ST14: variants seen among roughly 807,000 people sequenced by gnomAD.
ST14 encodes suppressor of tumorigenicity 14 protein.
A neutral mutation model predicts 96.5 loss-of-function variants in ST14; 40 were observed. The ratio of observed to expected loss-of-function variants is 0.41; its 90% CI spans 0.32 to 0.54. The LOEUF is 0.54. Among genes scored for constraint, ST14 ranks in the 20% least tolerant of loss-of-function variants. The probability of loss-of-function intolerance (pLI) is 0.17; values close to 1 mark genes in which losing one functional copy is unlikely to be tolerated. For synonymous variants in ST14, 506 were observed against 492.1 expected (o/e 1.03, Z -0.37); for missense variants, 1,066 against 1,188.9 (o/e 0.90, Z 1.52).
intron 16 of ST14, among the ~76,000 whole-genome samples, chr11:130,204,604 G>A (rs1323239238): frequency 6.6e-6 from 1 of 152,180 alleles, no homozygotes; most frequent in Admixed American, 6.5e-5. Flanking sequence ...CTGAGGTCAG[G>A]AGTTCGAGAC....
chr11:130,161,406 TTTG>T (rs1952997426), intron 1 of ST14, among the ~76,000 whole-genome samples: 2 of 152,194 alleles, frequency 1.3e-5, no homozygotes, highest in Admixed American at 1.3e-4. Context: ...CTGTTTGGAA[TTTG>T]TTATTTCAGG....
intron 1 of ST14, among the ~76,000 whole-genome samples, chr11:130,162,874 C>T (rs1953007937): frequency 6.6e-6 from 1 of 152,148 alleles, no homozygotes; most frequent in Admixed American, 6.5e-5. Flanking sequence ...GATGTGGTGG[C>T]AGGAGGTAAC....
intron 7 of ST14, among the ~76,000 whole-genome samples, chr11:130,192,608 T>A (rs1199950187): frequency 1.3e-5 from 2 of 152,200 alleles, no homozygotes; most frequent in Admixed American, 1.3e-4. Flanking sequence ...GTCAGGCTGG[T>A]CTCGAACTCC....
At position 130,187,229 on chromosome 11, in the gene ST14, A is replaced by G. The variant is rs1318316289; in HGVS notation, c.82-885A>G. Among the ~76,000 whole-genome samples, 1 of 152,210 alleles carries G rather than the reference A, an allele frequency of 6.6e-6. No individual in the cohort carries two copies. Among genetic ancestry groups the G allele is most frequent in the Non-Finnish European group, 1.5e-5 (1 of 68,034 alleles). On this transcript the variant is annotated intron_variant, in intron 1 of 18. Transcript: ENST00000278742. This position sits in a 1 kb window ranked among gnomAD's most constrained non-coding sequence, Gnocchi z 4.5. Reference sequence around the variant, plus strand: ...GTGCCACAGTGCCAGGCCATGGTGCATCCCCAGGATTCAGGGCGGGCAGAC... The same window carrying G: ...GTGCCACAGTGCCAGGCCATGGTGCGTCCCCAGGATTCAGGGCGGGCAGAC...
intron 1 of ST14, among the ~76,000 whole-genome samples, chr11:130,164,718 C>CTTATTATTATTATTATTATTA (rs57338069): frequency 1.4e-5 from 2 of 141,590 alleles, no homozygotes; most frequent in African/African-American, 5.5e-5. Flanking sequence ...CACACCCAGC[C>CTTATTATTATTATTATTATTA]TTATTATTAT....
intron 1 of ST14, among the ~76,000 whole-genome samples, chr11:130,161,017 G>T (rs187712625): frequency 6.6e-6 from 1 of 152,152 alleles, no homozygotes; most frequent in African/African-American, 2.4e-5. Context: ...CCCTCCTTCC[G>T]GGTGCCCCTG....
At chr11:130,194,543 A>C in intron 8 of ST14, 97 bp from the exon 9 acceptor site, 3 of 1,322,884 alleles carry the variant, frequency 2.3e-6, no homozygotes, top group Non-Finnish European at 3.2e-6. Flanking sequence ...CCACGCGTCC[A>C]GGAGGCAGCT....
rs747032339 is a variant in ST14 at position 130,198,337 on chromosome 11, A to G, written c.1489A>G (p.Lys497Glu). The G allele has an allele frequency of 2.5e-6, 4 of 1,614,178 alleles. No individual in the cohort carries two copies. Among genetic ancestry groups the G allele is most frequent in the Non-Finnish European group, 3.4e-6 (4 of 1,180,040 alleles). ...CGACGCCGGCCACCAGTTCACGTGC[A>G]AGAACAAGTTCTGCAAGCCCCTCTT... ...SCDAGHQFTC[K>E]NKFCKPLFWV... Residue 497 changes from lysine to glutamate, a missense_variant, in exon 13 of 19, where the codon AAG becomes GAG. By Grantham distance (56) the Lys-to-Glu change is moderately conservative (BLOSUM62 1). Transcript: ENST00000278742.
At chr11:130,173,995 C>T (rs1260911044) in intron 1 of ST14, among the ~76,000 whole-genome samples, 1 of 152,228 alleles carries the variant, frequency 6.6e-6, no homozygotes, top group Non-Finnish European at 1.5e-5. Context: ...ACAATGAAAA[C>T]CTTGTTTCAA....
Position 130,188,473 on chromosome 11 carries a change from G to C in ST14, c.242-57G>C. On this transcript the variant is annotated intron_variant, in intron 2 of 18. Coordinates refer to ENST00000278742, the MANE Select transcript of ST14 (RefSeq NM_021978.4). The surrounding 1 kb of genome is among the most constrained non-coding windows in gnomAD (Gnocchi z 5.4). ...ATTCATTCCCCATTGTGGACGGCGAGGGACAGGCGGGGGTGGTACCACCTC... is the reference window on the plus strand; with the variant it reads ...ATTCATTCCCCATTGTGGACGGCGACGGACAGGCGGGGGTGGTACCACCTC... 1 of 1,610,556 alleles carries C rather than the reference G, an allele frequency of 6.2e-7. No individual in the cohort carries two copies. Among genetic ancestry groups the C allele is most frequent in the Non-Finnish European group, 8.5e-7 (1 of 1,179,674 alleles).
At chr11:130,191,943 C>T (rs1315710426) in intron 7 of ST14, among the ~76,000 whole-genome samples, 1 of 152,202 alleles carries the variant, frequency 6.6e-6, no homozygotes, top group Non-Finnish European at 1.5e-5. Context: ...GGTTTGCTTG[C>T]AGGTGAGTCC....
rs1318712889 is a variant in ST14, at chr11:130,196,439, A to G, written c.1214A>G (p.Asn405Ser). Residue 405 changes from asparagine to serine, a missense_variant, in exon 10 of 19, where the codon AAC becomes AGC. By Grantham distance (46) the Asn-to-Ser change is conservative. Coordinates refer to ENST00000278742, the MANE Select transcript of ST14 (RefSeq NM_021978.4). ...TGCCCCAAGGACTACGTGGAGATCA[A>G]CGGGGAGAAGTGAGTCCCCGGGGGT... ...GTCPKDYVEI[N>S]GEKYCGERSQ... 5 of 1,608,616 alleles carry G rather than the reference A, an allele frequency of 3.1e-6. No homozygotes were observed. Among genetic ancestry groups the G allele is most frequent in the Non-Finnish European group, 4.2e-6 (5 of 1,177,668 alleles).
At position 130,181,435 on chromosome 11, in the gene ST14, G is replaced by A. The variant is rs1320140261; in HGVS notation, c.82-6679G>A. On this transcript the variant is annotated intron_variant, in intron 1 of 18. Coordinates refer to ENST00000278742, the MANE Select transcript of ST14 (RefSeq NM_021978.4). This position sits in a 1 kb window ranked among gnomAD's most constrained non-coding sequence, Gnocchi z 4.1. ...TGTGATATTTACATGGCCTCTATCT[G>A]TGTTTATGGTAAGCAGACACACCTG... 6.6e-6 allele frequency among the ~76,000 whole-genome samples: 1 copy of A among 152,168 alleles called. No homozygotes were observed. Among genetic ancestry groups the A allele is most frequent in the Non-Finnish European group, 1.5e-5 (1 of 68,038 alleles).
At chr11:130,190,284 C>T in intron 6 of ST14, 136 bp downstream of exon 6, 2 of 1,470,340 alleles carry the variant, frequency 1.4e-6, no homozygotes, top group Non-Finnish European at 1.9e-6. Context: ...GGCCCTTCCT[C>T]TTCCAGGCCC....
intron 15 of ST14, among the ~76,000 whole-genome samples, chr11:130,199,644 A>G (rs1953406615): frequency 6.6e-6 from 1 of 152,048 alleles, no homozygotes; most frequent in African/African-American, 2.4e-5. Flanking sequence ...GGCAGATGAC[A>G]CCCAAATCAA....
In ST14 at chr11:130,181,540, CGCAG is replaced by C. The variant is rs1953193199; in HGVS notation, c.82-6570_82-6567del. 6.6e-6 allele frequency among the ~76,000 whole-genome samples: 1 copy of C among 152,164 alleles called. No individual in the cohort carries two copies. The highest frequency in any genetic ancestry group is 1.5e-5 in the Non-Finnish European group (1 of 68,038). ...GAGAGACAGGAGAAGTGAAAGCAGG[CGCAG>C]GCATAGGATCTCTCCTGTCGGCTGT... On this transcript the variant is annotated intron_variant, in intron 1 of 18. Coordinates refer to ENST00000278742, the MANE Select transcript of ST14 (RefSeq NM_021978.4). The surrounding 1 kb of genome is among the most constrained non-coding windows in gnomAD (Gnocchi z 4.1).
chr11:130,188,459 A>C lies in ST14; in HGVS notation c.242-71A>C, dbSNP rs937362383. The stretch of plus-strand genomic sequence containing the variant: ...GGCCCCCTCCTGGCATTCATTCCCC[A>C]TTGTGGACGGCGAGGGACAGGCGGG... On this transcript the variant is annotated intron_variant, in intron 2 of 18. Coordinates refer to ENST00000278742, the MANE Select transcript of ST14 (RefSeq NM_021978.4). This position sits in a 1 kb window ranked among gnomAD's most constrained non-coding sequence, Gnocchi z 5.4. The C allele has an allele frequency of 4.3e-6, 7 of 1,610,260 alleles. No homozygotes were observed. In the African/African-American group the frequency reaches 9.3e-5, roughly 22 times the overall value.
intron 15 of ST14, 65 bp from the exon 16 acceptor site, chr11:130,199,886 G>A (rs2136218000): frequency 6.2e-7 from 1 of 1,600,060 alleles, no homozygotes; most frequent in Non-Finnish European, 8.5e-7. Context: ...CACACTGCAT[G>A]TCCCCTTGTG....
At chr11:130,207,092 C>G (rs1197972748) in intron 16 of ST14, among the ~76,000 whole-genome samples, 1 of 152,178 alleles carries the variant, frequency 6.6e-6, no homozygotes, top group Non-Finnish European at 1.5e-5. Flanking sequence ...CGATCGCTTC[C>G]TGCAGAAACA....
Sources: gnomAD v4.1 joint callset for allele counts (sites outside exome capture counted in the v4.1 genomes callset) on GRCh38, gnomAD v4.1.1 for gene constraint, Gnocchi (gnomAD v3.1) non-coding constraint, MANE v1.5 for transcripts, NCBI Gene and HGNC (gene_info 2026-07-23, HGNC 2026-07-21) for gene names.